The following PCDH15 variants were observed in gnomAD, a reference collection of about 807,000 sequenced individuals.
The protein encoded by PCDH15 is protocadherin related 15, also known as protocadherin-15.
In PCDH15, 129 loss-of-function variants were observed where a neutral mutation model predicts 178.5. The ratio of observed to expected loss-of-function variants is 0.72; its 90% confidence interval spans 0.63 to 0.84. The LOEUF (loss-of-function observed/expected upper bound fraction) is 0.84. Among genes scored for constraint, PCDH15 ranks in the 40% least tolerant of loss-of-function variants. The pLI is 0.00. For synonymous variants in PCDH15, 800 were observed against 732.0 expected, an observed-to-expected ratio of 1.09 and a Z score of -1.50; for missense variants, 2,230 against 2,099.9, an observed-to-expected ratio of 1.06 and a Z score of -1.21.
intron 13 of PCDH15, among the ~76,000 whole-genome samples, chr10:54,163,211 C>T (rs1285573139): frequency 6.6e-6 from 1 of 152,010 alleles, no homozygotes; most frequent in African/African-American, 2.4e-5. Flanking sequence ...ATCATATATA[C>T]TTAGAGGAAA....
chr10:55,152,625 G>A (rs531916642), intron 2 of PCDH15, among the ~76,000 whole-genome samples: 1 of 152,220 alleles, frequency 6.6e-6, no homozygotes, highest in East Asian at 1.9e-4. Context: ...AAAGCTAGAA[G>A]GATCTTCAGG....
intron 2 of PCDH15, among the ~76,000 whole-genome samples, chr10:55,382,480 C>G (rs1481165814): frequency 6.6e-6 from 1 of 152,128 alleles, no homozygotes; most frequent in African/African-American, 2.4e-5. Context: ...GAAAGTACCA[C>G]AAGCCAAAGA....
chr10:54,872,503 T>C (rs936685657), intron 3 of PCDH15, among the ~76,000 whole-genome samples: 7 of 152,146 alleles, frequency 4.6e-5, no homozygotes, highest in Non-Finnish European at 1.0e-4. Context: ...TGTTTTGGCA[T>C]AGTGAAAGAT....
At chr10:55,546,497 T>C (rs1240413825) in intron 2 of PCDH15, among the ~76,000 whole-genome samples, 2 of 152,142 alleles carry the variant, frequency 1.3e-5, no homozygotes, top group African/African-American at 4.8e-5. Flanking sequence ...TTATTTTCTG[T>C]CTTAAAGTGT....
chr10:54,389,511 G>T (rs1280640174), intron 3 of PCDH15, among the ~76,000 whole-genome samples: 1 of 152,168 alleles, frequency 6.6e-6, no homozygotes, highest in African/African-American at 2.4e-5. Context: ...TTATCACAAT[G>T]TTTCTAAAGT....
chr10:54,921,753 C>T (rs1591785165), intron 2 of PCDH15, among the ~76,000 whole-genome samples: 1 of 152,048 alleles, frequency 6.6e-6, no homozygotes, highest in Non-Finnish European at 1.5e-5. Context: ...CACTCTAGAA[C>T]TGGCATAAAA....
chr10:55,509,373 G>C (rs531337556), intron 2 of PCDH15, among the ~76,000 whole-genome samples: 3 of 151,652 alleles, frequency 2.0e-5, no homozygotes, highest in African/African-American at 7.2e-5. Context: ...AAACGAAATC[G>C]AAACCAAGCA....
At chr10:54,343,611 T>C (rs1942672034) in intron 6 of PCDH15, among the ~76,000 whole-genome samples, 1 of 147,772 alleles carries the variant, frequency 6.8e-6, no homozygotes, top group African/African-American at 2.5e-5. Flanking sequence ...TGAATTGCAA[T>C]AAAAAGAGTT....
At chr10:55,145,207 C>T (rs919736640) in intron 2 of PCDH15, among the ~76,000 whole-genome samples, 2 of 151,970 alleles carry the variant, frequency 1.3e-5, no homozygotes, top group African/African-American at 4.8e-5. Flanking sequence ...CATACACCAT[C>T]TACCATTAAT....
intron 1 of PCDH15, among the ~76,000 whole-genome samples, chr10:55,224,220 CA>C (rs55856467): frequency 0.14 from 21,059 of 151,938 alleles, 1,707 homozygotes; most frequent in Non-Finnish European, 0.18. Flanking sequence ...AAAAACAAAA[CA>C]AAAAAACAAA....
intron 18 of PCDH15, among the ~76,000 whole-genome samples, chr10:54,029,710 C>G (rs1271478953): frequency 6.6e-6 from 1 of 152,078 alleles, no homozygotes; most frequent in Non-Finnish European, 1.5e-5. Context: ...TTATAGCATG[C>G]CACTTGAAAA....
At chr10:53,989,334 T>C (rs1225192180) in intron 21 of PCDH15, among the ~76,000 whole-genome samples, 1 of 152,098 alleles carries the variant, frequency 6.6e-6, no homozygotes. Context: ...AAAAGAAAAA[T>C]GCCCCTTTAG....
At chr10:54,509,691 CG>C (rs2081476573) in intron 3 of PCDH15, among the ~76,000 whole-genome samples, 1 of 152,074 alleles carries the variant, frequency 6.6e-6, no homozygotes, top group Non-Finnish European at 1.5e-5. Flanking sequence ...TTGGTTCCTC[CG>C]GTTTAACTTC....
At chr10:55,583,714 G>A (rs904154880) in intron 2 of PCDH15, among the ~76,000 whole-genome samples, 10 of 151,808 alleles carry the variant, frequency 6.6e-5, no homozygotes, top group South Asian at 2.1e-4. Flanking sequence ...GATTACAGGC[G>A]TAAGCCACTG....
At chr10:54,816,137 T>C (rs181810748) in intron 3 of PCDH15, among the ~76,000 whole-genome samples, 2 of 152,168 alleles carry the variant, frequency 1.3e-5, no homozygotes, top group Non-Finnish European at 2.9e-5. Flanking sequence ...TATAAGCTCC[T>C]AGAGATCAGA....
At chr10:53,845,036 A>T (rs538072279) in intron 28 of PCDH15, among the ~76,000 whole-genome samples, 173 of 152,102 alleles carry the variant, frequency 1.1e-3, no homozygotes, top group African/African-American at 4.1e-3. Flanking sequence ...AAACCAAATA[A>T]TCCAATTTAA....
intron 21 of PCDH15, among the ~76,000 whole-genome samples, chr10:53,972,162 A>G (rs2089759395): frequency 6.6e-6 from 1 of 152,216 alleles, no homozygotes; most frequent in South Asian, 2.1e-4. Flanking sequence ...ATCTTTGACG[A>G]ATGTGACCAA....
chr10:54,451,036 T>A (rs906099033), intron 3 of PCDH15, among the ~76,000 whole-genome samples: 1 of 151,892 alleles, frequency 6.6e-6, no homozygotes, highest in African/African-American at 2.4e-5. Flanking sequence ...ATTCTTATAC[T>A]CAATATCTGC....
chr10:54,520,816 A>T (rs1169642284), intron 3 of PCDH15, among the ~76,000 whole-genome samples: 4 of 150,774 alleles, frequency 2.7e-5, no homozygotes, highest in Non-Finnish European at 5.9e-5. Flanking sequence ...AACCAACCCA[A>T]ATGTCCAACA....
Sources: gnomAD v4.1 joint callset for allele counts (sites outside exome capture counted in the v4.1 genomes callset) on GRCh38, gnomAD v4.1.1 for gene constraint, MANE v1.5 for transcripts, NCBI Gene and HGNC (gene_info 2026-07-23, HGNC 2026-07-21) for gene names.